The following GALNT18 variants were observed in gnomAD, a reference collection of about 807,000 sequenced individuals.
The protein encoded by GALNT18 is GalNAc-transferase 18.
Under a neutral mutation model 69.5 loss-of-function variants are expected in GALNT18, and 44 were observed. The ratio of observed to expected loss-of-function variants is 0.63; its 90% CI spans 0.50 to 0.81. The LOEUF (loss-of-function observed/expected upper bound fraction) is 0.81, where lower values mean the gene tolerates loss of function less well. Among genes scored for constraint, GALNT18 ranks in the 40% least tolerant of loss-of-function variants. The pLI, the probability that GALNT18 is intolerant of heterozygous loss-of-function variation, is 0.00. For synonymous variants in GALNT18, 364 were observed against 318.2 expected (o/e 1.14, Z -1.53); for missense variants, 715 against 810.0 (o/e 0.88, Z 1.42).
chr11:11,607,471 A>G (rs1329658168), intron 1 of GALNT18, among the ~76,000 whole-genome samples: 1 of 152,224 alleles, frequency 6.6e-6, no homozygotes, highest in African/African-American at 2.4e-5. Flanking sequence ...CTTTAAATAG[A>G]TAAGTGCTAT....
chr11:11,524,074 T>G (rs1423437514), intron 1 of GALNT18, among the ~76,000 whole-genome samples: 1 of 152,108 alleles, frequency 6.6e-6, no homozygotes, highest in East Asian at 1.9e-4. Context: ...TTGTGACTGA[T>G]GTAGCCCAAG....
intron 3 of GALNT18, among the ~76,000 whole-genome samples, chr11:11,427,319 A>G (rs1855155780): frequency 6.6e-6 from 1 of 152,198 alleles, no homozygotes; most frequent in Non-Finnish European, 1.5e-5. Context: ...GCAGTGATTG[A>G]CTGCCCTGTT....
At chr11:11,425,247 A>C (rs1372869759) in intron 3 of GALNT18, among the ~76,000 whole-genome samples, 1 of 152,224 alleles carries the variant, frequency 6.6e-6, no homozygotes, top group Non-Finnish European at 1.5e-5. Flanking sequence ...CATGGCCAGC[A>C]TGAAGACCGG....
intron 1 of GALNT18, among the ~76,000 whole-genome samples, chr11:11,553,200 G>A (rs1320560429): frequency 1.3e-5 from 2 of 152,208 alleles, no homozygotes; most frequent in Non-Finnish European, 2.9e-5. Flanking sequence ...GAACCACTCT[G>A]AAGTTTGGCC....
Position 11,603,614 on chromosome 11 carries a change from C to A in GALNT18, c.235+17745G>T, listed in dbSNP as rs1859683394. 6.6e-6 allele frequency among the ~76,000 whole-genome samples: 1 copy of A among 152,096 alleles called. No homozygotes were observed. Among genetic ancestry groups the A allele is most frequent in the Non-Finnish European group, 1.5e-5 (1 of 68,026 alleles). On this transcript the variant is annotated intron_variant, in intron 1 of 10. Coordinates refer to ENST00000227756, the MANE Select transcript of GALNT18 (RefSeq NM_198516.3). The surrounding 1 kb of genome is among the most constrained non-coding windows in gnomAD (Gnocchi z 4.5). Reference sequence around the variant, plus strand: ...AATATTCATAATCTTCATGTTGCCACAAAGGCTATATTTTTAAATGTTTCC... The same window carrying A: ...AATATTCATAATCTTCATGTTGCCAAAAAGGCTATATTTTTAAATGTTTCC...
At position 11,552,250 on chromosome 11, in the gene GALNT18, C is replaced by T. The variant is rs577741160; in HGVS notation, c.235+69109G>A. 2.9e-4 allele frequency among the ~76,000 whole-genome samples: 44 copies of T among 152,224 alleles called. 1 individual carries two copies. The highest frequency in any genetic ancestry group is 1.2e-3 in the South Asian group (6 of 4,822). ...GCATGTGAGAATTGTGGTCACCCAC[C>T]CCTCACCTGCCATGGCCAAAATCTG... On this transcript the variant is annotated intron_variant, in intron 1 of 10. Transcript: ENST00000227756.
intron 1 of GALNT18, among the ~76,000 whole-genome samples, chr11:11,539,738 CTT>C (rs1183463700): frequency 1.3e-5 from 2 of 152,158 alleles, no homozygotes; most frequent in Non-Finnish European, 2.9e-5. Flanking sequence ...CCATGAAAGA[CTT>C]TGCCCAAAGA....
chr11:11,438,140 T>C (rs1338615158), intron 2 of GALNT18, among the ~76,000 whole-genome samples: 1 of 152,224 alleles, frequency 6.6e-6, no homozygotes, highest in Non-Finnish European at 1.5e-5. Flanking sequence ...CTCTGTCTCC[T>C]ACCTGTATGC....
intron 1 of GALNT18, among the ~76,000 whole-genome samples, chr11:11,580,052 T>C (rs987749009): frequency 6.6e-6 from 1 of 152,160 alleles, no homozygotes; most frequent in African/African-American, 2.4e-5. Context: ...ATTATTCAAC[T>C]TCAGACAAAA....
intron 1 of GALNT18, among the ~76,000 whole-genome samples, chr11:11,483,971 A>T (rs1856588630): frequency 6.6e-6 from 1 of 152,138 alleles, no homozygotes; most frequent in Admixed American, 6.5e-5. Context: ...GCAAAGTTCC[A>T]TCGTGGGACA....
At position 11,389,699 on chromosome 11, in the gene GALNT18, G is replaced by A. The variant is rs529966202; in HGVS notation, c.596-10435C>T. Among the ~76,000 whole-genome samples the A allele has an allele frequency of 2.4e-4, 36 of 152,282 alleles. No individual in the cohort carries two copies. The highest frequency in any genetic ancestry group is 6.3e-4 in the African/African-American group (26 of 41,570). ...CCTCCCATGAGCTTCTAGGGAGGGC[G>A]TACCAAGAACTCAAAGCCTTGGGAA... On this transcript the variant is annotated intron_variant, in intron 3 of 10. Transcript: ENST00000227756. The surrounding 1 kb of genome is among the most constrained non-coding windows in gnomAD (Gnocchi z 4.3).
chr11:11,306,020 T>C (rs1265750316), intron 9 of GALNT18, among the ~76,000 whole-genome samples: 2 of 152,214 alleles, frequency 1.3e-5, no homozygotes, highest in Admixed American at 6.5e-5. Flanking sequence ...ACTCTCCATA[T>C]AGCCCAGTGG....
intron 7 of GALNT18, among the ~76,000 whole-genome samples, chr11:11,333,476 C>T (rs1850054251): frequency 6.6e-6 from 1 of 152,200 alleles, no homozygotes. Context: ...TCCTTGGTAA[C>T]TTGCCCAAGA....
At position 11,563,434 on chromosome 11, in the gene GALNT18, G is replaced by T. The variant is rs1250210527; in HGVS notation, c.235+57925C>A. Among the ~76,000 whole-genome samples the T allele has an allele frequency of 1.3e-5, 2 of 152,202 alleles. No individual in the cohort carries two copies. The highest frequency in any genetic ancestry group is 2.9e-5 in the Non-Finnish European group (2 of 68,040). On this transcript the variant is annotated intron_variant, in intron 1 of 10. Coordinates refer to ENST00000227756, the MANE Select transcript of GALNT18 (RefSeq NM_198516.3). The surrounding 1 kb of genome is among the most constrained non-coding windows in gnomAD (Gnocchi z 4.6). Reference sequence around the variant, plus strand: ...GAAGGTGGCTTCTGGATGCCTTCCAGCTGGGAGTCTCACCATGAAGGGCCC... The same window carrying T: ...GAAGGTGGCTTCTGGATGCCTTCCATCTGGGAGTCTCACCATGAAGGGCCC...
In GALNT18 at chr11:11,332,743, C is replaced by T. The variant is rs763701070; in HGVS notation, c.1367G>A (p.Ser456Asn). The change falls in exon 8 of 11, where the codon AGC (serine) becomes AAC (asparagine). Residue 456 changes from serine (S) to asparagine (N), a missense_variant. Physicochemically the swap from Ser to Asn is conservative, Grantham distance 46. Transcript: ENST00000227756. The surrounding 1 kb of genome is among the most constrained non-coding windows in gnomAD (Gnocchi z 4.3). ...QCKTFRWYLV[S>N]VYPEMRMYSD... ...GTACATCCTCATCTCTGGGTACACG[C>T]TGACCAGGTACCACCGGAAGGTCTT... 1.5e-5 allele frequency: 24 copies of T among 1,613,968 alleles called. No homozygotes were observed. The highest frequency in any genetic ancestry group is 1.9e-5 in the Non-Finnish European group (22 of 1,179,982).
At position 11,469,789 on chromosome 11, in the gene GALNT18, T is replaced by C. The variant is rs1055369501; in HGVS notation, c.236-20853A>G. Among the ~76,000 whole-genome samples the C allele has an allele frequency of 3.9e-5, 6 of 152,048 alleles. No homozygotes were observed. The highest frequency in any genetic ancestry group is 1.5e-4 in the African/African-American group (6 of 41,364). ...TTCCTCTTGCAGACTTTTCCAAAGG[T>C]ATTTAGGGGCTCAGGTGGCAGTTAG... is the stretch of plus-strand genomic sequence containing the variant. On this transcript the variant is annotated intron_variant, in intron 1 of 10. Transcript: ENST00000227756. The surrounding 1 kb of genome is among the most constrained non-coding windows in gnomAD (Gnocchi z 4.2).
chr11:11,529,369 A>G (rs1476813699), intron 1 of GALNT18, among the ~76,000 whole-genome samples: 6 of 151,998 alleles, frequency 3.9e-5, no homozygotes, highest in Non-Finnish European at 2.9e-5. Flanking sequence ...GAATGAGTGA[A>G]CCCCTCCTAC....
chr11:11,335,373 T>C (rs1350779526), intron 7 of GALNT18, among the ~76,000 whole-genome samples: 2 of 152,232 alleles, frequency 1.3e-5, no homozygotes, highest in East Asian at 1.9e-4. Flanking sequence ...GTTCAGCATA[T>C]CTGCCCTGTG....
At chr11:11,489,209 G>T (rs1399216874) in intron 1 of GALNT18, among the ~76,000 whole-genome samples, 2 of 152,218 alleles carry the variant, frequency 1.3e-5, no homozygotes, top group African/African-American at 4.8e-5. Context: ...GAGTATGAAT[G>T]GGGGAGCATT....
Sources: allele counts gnomAD v4.1 joint callset (sites outside exome capture counted in the v4.1 genomes callset), GRCh38; gene constraint gnomAD v4.1.1; non-coding constraint Gnocchi (gnomAD v3.1); transcripts MANE v1.5; gene names NCBI Gene and HGNC (gene_info 2026-07-23, HGNC 2026-07-21).